The following ERBB4 variants were observed in gnomAD, a reference collection of about 807,000 sequenced individuals.
ERBB4 encodes erb-b2 receptor tyrosine kinase 4.
Under a neutral mutation model 158.0 loss-of-function variants are expected in ERBB4, and 42 were observed. That is an observed-to-expected ratio of 0.27 (90% CI 0.21 to 0.34). The LOEUF (loss-of-function observed/expected upper bound fraction) is 0.34, where lower values mean the gene tolerates loss of function less well. ERBB4 is among the 10% of genes least tolerant of loss of function. ERBB4 has a pLI of 1.00. For missense variants in ERBB4, 1,333 were observed against 1,624.1 expected (o/e 0.82, Z 3.08); for synonymous variants, 583 against 558.7 (o/e 1.04, Z -0.61).
intron 2 of ERBB4, among the ~76,000 whole-genome samples, chr2:212,072,244 C>T (rs1425533627): frequency 2.0e-5 from 3 of 151,928 alleles, no homozygotes; most frequent in South Asian, 2.1e-4. Flanking sequence ...GAGGATGGAA[C>T]TATTTCTAGT....
chr2:211,375,856 C>T lies in ERBB4; in HGVS notation c.*7759G>A, dbSNP rs1441369954. The T allele has an allele frequency of 1.3e-5, 3 of 232,702 alleles. No homozygotes were observed. The highest frequency in any genetic ancestry group is 6.1e-5 in the East Asian group (1 of 16,446). The allele number at this position is 232,702 out of a possible 1,614,324, so 14.4% of individuals were successfully genotyped here. ...CAGTATGGAATGAGGCAAAGCAGTT[C>T]GCATTCTATAATTGCCTTGTACAGG... On this transcript the variant is annotated 3_prime_UTR_variant, in exon 28 of 28. Transcript: ENST00000342788.
Position 211,612,690 on chromosome 2 carries a change from C to T in ERBB4, c.2301+6487G>A, listed in dbSNP as rs186241910. Among the ~76,000 whole-genome samples, 11 of 152,008 alleles carry T rather than the reference C, an allele frequency of 7.2e-5. 1 individual carries two copies. The East Asian group carries it at 2.1e-3, about 29-fold the overall frequency. On this transcript the variant is annotated intron_variant, in intron 19 of 27. Coordinates refer to ENST00000342788, the MANE Select transcript of ERBB4 (RefSeq NM_005235.3). ...AATCTGATATTTTACTTTAGTAAAG[C>T]CACTAAAGGTCTCATGCAGAGGACC...
chr2:211,609,611 T>C (rs2069117121), intron 19 of ERBB4, among the ~76,000 whole-genome samples: 1 of 152,186 alleles, frequency 6.6e-6, no homozygotes, highest in African/African-American at 2.4e-5. Flanking sequence ...ACCAGGATCC[T>C]AGCTCATTTC....
At chr2:211,958,577 G>T (rs570902010) in intron 2 of ERBB4, among the ~76,000 whole-genome samples, 1 of 151,924 alleles carries the variant, frequency 6.6e-6, no homozygotes, top group Non-Finnish European at 1.5e-5. Flanking sequence ...GAAATAACTT[G>T]CCCAAAGTCA....
At chr2:211,433,484 G>A (rs1281257472) in intron 20 of ERBB4, among the ~76,000 whole-genome samples, 2 of 152,094 alleles carry the variant, frequency 1.3e-5, no homozygotes, top group Non-Finnish European at 2.9e-5. Context: ...GGGAGGCTGA[G>A]GCAGGAGGAT....
At chr2:211,483,197 C>T (rs1017817963) in intron 20 of ERBB4, among the ~76,000 whole-genome samples, 7 of 151,858 alleles carry the variant, frequency 4.6e-5, no homozygotes, top group Non-Finnish European at 7.4e-5. Flanking sequence ...ACAGAAAATA[C>T]GTGTCAATTG....
chr2:211,972,662 C>T (rs1273626100), intron 2 of ERBB4, among the ~76,000 whole-genome samples: 1 of 152,178 alleles, frequency 6.6e-6, no homozygotes, highest in Non-Finnish European at 1.5e-5. Flanking sequence ...AGAAATGACT[C>T]CTGATTCAAT....
intron 20 of ERBB4, among the ~76,000 whole-genome samples, chr2:211,523,640 G>A (rs573558471): frequency 4.0e-5 from 6 of 151,888 alleles, no homozygotes; most frequent in South Asian, 2.1e-4. Flanking sequence ...CGTTCCTCCC[G>A]GTGGGCTCGT....
chr2:212,397,156 A>G (rs1263968278), intron 1 of ERBB4, among the ~76,000 whole-genome samples: 1 of 152,082 alleles, frequency 6.6e-6, no homozygotes, highest in Non-Finnish European at 1.5e-5. Flanking sequence ...ATATAGTTAT[A>G]AAATATCAGA....
At chr2:211,892,288 CA>C (rs1233947194) in intron 3 of ERBB4, among the ~76,000 whole-genome samples, 3 of 58,628 alleles carry the variant, frequency 5.1e-5, no homozygotes, top group Non-Finnish European at 9.7e-5. Context: ...AGCATATAAA[CA>C]GAGCCAAAGA....
At chr2:211,767,516 C>A (rs2075580542) in intron 4 of ERBB4, among the ~76,000 whole-genome samples, 1 of 152,116 alleles carries the variant, frequency 6.6e-6, no homozygotes, top group South Asian at 2.1e-4. Flanking sequence ...CTACCCCAAA[C>A]TGGGTAATTT....
At chr2:212,149,963 A>G (rs1270168552) in intron 1 of ERBB4, among the ~76,000 whole-genome samples, 4 of 152,194 alleles carry the variant, frequency 2.6e-5, no homozygotes, top group African/African-American at 9.7e-5. Context: ...TAACTCCAGT[A>G]TCTAAAGGAA....
At chr2:211,397,634 G>A (rs1186635290) in intron 25 of ERBB4, among the ~76,000 whole-genome samples, 2 of 152,046 alleles carry the variant, frequency 1.3e-5, no homozygotes, top group African/African-American at 4.8e-5. Context: ...TCTAAAGCAG[G>A]CAAAATCTGA....
intron 1 of ERBB4, among the ~76,000 whole-genome samples, chr2:212,530,667 A>C (rs1404584735): frequency 6.6e-6 from 1 of 152,170 alleles, no homozygotes; most frequent in Non-Finnish European, 1.5e-5. Context: ...AGATAACCCC[A>C]GCAGAGGAGA....
At chr2:212,142,828 G>C (rs1173951006) in intron 1 of ERBB4, among the ~76,000 whole-genome samples, 3 of 151,694 alleles carry the variant, frequency 2.0e-5, no homozygotes. Flanking sequence ...AAAATGTTAC[G>C]CTGCCAGAAG....
At chr2:212,335,983 C>T (rs1292595827) in intron 1 of ERBB4, among the ~76,000 whole-genome samples, 2 of 151,900 alleles carry the variant, frequency 1.3e-5, no homozygotes, top group East Asian at 3.9e-4. Context: ...ACAATTAGTT[C>T]TAAGTTACTA....
chr2:211,775,601 C>G (rs1020331443), intron 4 of ERBB4, among the ~76,000 whole-genome samples: 76 of 152,156 alleles, frequency 5.0e-4, no homozygotes, highest in African/African-American at 1.7e-3. Flanking sequence ...TTTGTCCAAG[C>G]ACACTTTCCA....
At chr2:212,255,717 T>C (rs1197386695) in intron 1 of ERBB4, among the ~76,000 whole-genome samples, 1 of 152,202 alleles carries the variant, frequency 6.6e-6, no homozygotes, top group African/African-American at 2.4e-5. Context: ...GTCACATTGG[T>C]GCTCAGAAAG....
intron 1 of ERBB4, among the ~76,000 whole-genome samples, chr2:212,249,238 C>G (rs998862598): frequency 8.6e-5 from 13 of 151,778 alleles, no homozygotes; most frequent in African/African-American, 3.1e-4. Context: ...AAGGAAGGTA[C>G]AAATCTCCCA....
Sources: allele counts gnomAD v4.1 joint callset (sites outside exome capture counted in the v4.1 genomes callset), GRCh38; gene constraint gnomAD v4.1.1; transcripts MANE v1.5; gene names NCBI Gene and HGNC (gene_info 2026-07-23, HGNC 2026-07-21).